NEB: variants seen among roughly 807,000 people sequenced by gnomAD.
NEB encodes nebulin.
NEB carries 512 observed loss-of-function variants against 952.2 expected under a neutral mutation model. That is an observed-to-expected ratio of 0.54 (90% CI 0.50 to 0.58). The LOEUF is 0.58. Ranked by LOEUF, NEB falls within the 20% of genes least tolerant of loss-of-function variation. The pLI is 0.00. For synonymous variants in NEB, 2,900 were observed against 3,149.8 expected, an observed-to-expected ratio of 0.92 and a Z score of 2.66; for missense variants, 8,428 against 9,231.1, an observed-to-expected ratio of 0.91 and a Z score of 3.56.
rs574454612 is a variant in NEB at position 151,662,884 on chromosome 2, T to C, written c.5764-543A>G. ...GACATTTCTCTCTACACCTGTGCCA[T>C]GGCTGCTTTCATTCAGGCACTTACT... On this transcript the variant is annotated intron_variant, in intron 45 of 181. Coordinates refer to ENST00000397345, the MANE Select transcript of NEB (RefSeq NM_001164508.2). 1.3e-3 allele frequency among the ~76,000 whole-genome samples: 194 copies of C among 152,328 alleles called. 1 individual carries two copies. Among genetic ancestry groups the C allele is most frequent in the Middle Eastern group, 6.8e-3 (2 of 294 alleles).
At chr2:151,629,122 G>A (rs1463983621) in intron 68 of NEB, among the ~76,000 whole-genome samples, 1 of 152,090 alleles carries the variant, frequency 6.6e-6, no homozygotes, top group East Asian at 1.9e-4. Context: ...GGGAAAGGTG[G>A]ATTTTCCTAG....
chr2:151,655,311 C>A lies in NEB; in HGVS notation c.6766G>T (p.Asp2256Tyr). ...TGATTCTGCTTGGCTTGTAAAATAT[C>A]TGGTGTATCAGGCATCACATGAATC... ...TKIHVMPDTPDILQAKQNQTL... is the reference protein window; with the variant it reads ...TKIHVMPDTPYILQAKQNQTL... The change falls in exon 51 of 182, where the codon GAT becomes TAT. Residue 2256 changes from aspartate (D) to tyrosine (Y), a missense_variant. Physicochemically the swap from Asp to Tyr is radical, Grantham distance 160. Transcript: ENST00000397345. The A allele has an allele frequency of 6.2e-7, 1 of 1,600,466 alleles. No individual in the cohort carries two copies. Among genetic ancestry groups the A allele is most frequent in the South Asian group, 1.1e-5 (1 of 89,946 alleles).
rs780432098 is a variant in NEB, at chr2:151,612,338, T to C, written c.11653A>G (p.Ile3885Val). ...EWLRGIGWVP[I>V]GSVEVEKVKR... ...ACTTTCTCGACCTCTACAGAGCCAA[T>C]GGGAACCCATCCTATGCCTCTCAGC... Residue 3885 changes from isoleucine to valine, a missense_variant, in exon 78 of 182, where the codon ATT (isoleucine) becomes GTT (valine). Coordinates refer to ENST00000397345, the MANE Select transcript of NEB (RefSeq NM_001164508.2). 4 of 1,613,840 alleles carry C rather than the reference T, an allele frequency of 2.5e-6. No individual in the cohort carries two copies. Among genetic ancestry groups the C allele is most frequent in the South Asian group, 1.1e-5 (1 of 91,076 alleles).
At chr2:151,702,389 G>A in intron 13 of NEB, among the ~76,000 whole-genome samples, 1 of 152,168 alleles carries the variant, frequency 6.6e-6, no homozygotes, top group Non-Finnish European at 1.5e-5. Flanking sequence ...GGTCCGCTTG[G>A]TGCAGAGCTG....
chr2:151,674,388 T>A, intron 36 of NEB, 89 bp downstream of exon 36: 1 of 1,002,152 alleles, frequency 1.0e-6, no homozygotes, highest in Non-Finnish European at 1.6e-6. Context: ...ATTTAACATA[T>A]TTCTTTCAAT....
At chr2:151,647,792 C>T (rs1281824322) in intron 54 of NEB, among the ~76,000 whole-genome samples, 1 of 152,156 alleles carries the variant, frequency 6.6e-6, no homozygotes, top group South Asian at 2.1e-4. Flanking sequence ...AAAGACATAG[C>T]AAGTAATGCA....
Position 151,516,485 on chromosome 2 carries a change from T to C in NEB, c.22879A>G (p.Lys7627Glu), listed in dbSNP as rs1242627575. The C allele has an allele frequency of 6.2e-7, 1 of 1,613,062 alleles. No homozygotes were observed. The highest frequency in any genetic ancestry group is 8.5e-7 in the Non-Finnish European group (1 of 1,179,264). ...DFETPTYITA[K>E]ESQQMQSGKE... ...CCACTCTGCATCTGCTGAGACTCTT[T>C]GGCAGTGATGTACGTTGGTGTTTCA... Residue 7627 changes from lysine (K) to glutamate (E), a missense_variant, in exon 157 of 182, where the codon AAA (lysine) becomes GAA (glutamate). This residue lies in a region of NEB where 3,374 missense variants were observed against 3,651.5 expected (regional missense o/e 0.92). Coordinates refer to ENST00000397345, the MANE Select transcript of NEB (RefSeq NM_001164508.2).
At chr2:151,502,717 A>C (rs1284997318) in intron 167 of NEB, 76 bp downstream of exon 167, 36 of 806,268 alleles carry the variant, frequency 4.5e-5, no homozygotes, top group Non-Finnish European at 7.2e-5. Context: ...TGAATTTAGT[A>C]ATTTTACATT....
intron 13 of NEB, among the ~76,000 whole-genome samples, chr2:151,702,716 C>T (rs1410537687): frequency 1.3e-5 from 2 of 151,984 alleles, no homozygotes; most frequent in Non-Finnish European, 2.9e-5. Context: ...TTTCCATTTG[C>T]TTGGTAGATC....
At chr2:151,537,288 A>G (rs993139011) in intron 140 of NEB, 52 bp from the exon 141 acceptor site, 30 of 1,030,016 alleles carry the variant, frequency 2.9e-5, no homozygotes, top group Admixed American at 2.4e-4. Context: ...CCAAACAGCA[A>G]TAAGTTAGTA....
chr2:151,518,087 T>G (rs1246729737), intron 156 of NEB, among the ~76,000 whole-genome samples: 1 of 152,194 alleles, frequency 6.6e-6, no homozygotes, highest in South Asian at 2.1e-4. Flanking sequence ...ACACACTCTT[T>G]ATGCTTCCAG....
At position 151,650,693 on chromosome 2, in the gene NEB, T is replaced by C. The variant is rs2099020613; in HGVS notation, c.7108A>G (p.Lys2370Glu). The C allele has an allele frequency of 1.2e-6, 2 of 1,613,972 alleles. No homozygotes were observed. The highest frequency in any genetic ancestry group is 1.7e-6 in the Non-Finnish European group (2 of 1,179,866). ...PVDMLGVVLA[K>E]KCQELVSDVD... ...TCACTAACCAACTCCTGACACTTCT[T>C]GGCCAGTACCACTCCCAACATGTCC... Residue 2370 changes from lysine to glutamate, a missense_variant, in exon 53 of 182, where the codon AAG becomes GAG. Lys to Glu is a moderately conservative substitution (Grantham distance 56, BLOSUM62 1). Around this residue, in one of 11 missense-constraint regions of NEB, gnomAD observed 1,772 missense variants for 1,960.3 expected, o/e 0.90. Coordinates refer to ENST00000397345, the MANE Select transcript of NEB (RefSeq NM_001164508.2).
At chr2:151,525,326 G>C in intron 150 of NEB, 53 bp from the exon 151 acceptor site, 1 of 1,327,534 alleles carries the variant, frequency 7.5e-7, no homozygotes, top group Non-Finnish European at 1.1e-6. Flanking sequence ...GAACAGAGTT[G>C]GTTTACTTGA....
In NEB at chr2:151,683,690, G is replaced by A. The variant is rs2099451584; in HGVS notation, c.2836-921C>T. On this transcript the variant is annotated intron_variant, in intron 28 of 181. Transcript: ENST00000397345. ...TACAAATAAAAAATAGAGCTACCAT[G>A]TGATCCAACTATTCAACTTCGGGTT... Among the ~76,000 whole-genome samples the A allele has an allele frequency of 3.3e-5, 5 of 152,274 alleles. No homozygotes were observed. The South Asian group carries it at 1.0e-3, about 32-fold the overall frequency.
At chr2:151,655,154 G>A (rs2099074622) in intron 51 of NEB, 116 bp downstream of exon 51, 2 of 610,062 alleles carry the variant, frequency 3.3e-6, no homozygotes, top group East Asian at 6.1e-5. Context: ...GCTAATCAGT[G>A]TGTCATTTCC....
chr2:151,697,532 A>G lies in NEB; in HGVS notation c.1257+12T>C. 6.2e-7 allele frequency: 1 copy of G among 1,609,872 alleles called. No homozygotes were observed. The highest frequency in any genetic ancestry group is 8.5e-7 in the Non-Finnish European group (1 of 1,177,284). ...TTTTTTTAACAGAAAGAGTGACAGT[A>G]GGATTGCTTACATCACTACTGAAGT... is the stretch of plus-strand genomic sequence containing the variant. On this transcript the variant is annotated intron_variant, in intron 14 of 181. Coordinates refer to ENST00000397345, the MANE Select transcript of NEB (RefSeq NM_001164508.2).
intron 30 of NEB, among the ~76,000 whole-genome samples, 155 bp downstream of exon 30, chr2:151,680,575 T>A (rs1409065962): frequency 2.6e-5 from 4 of 152,338 alleles, no homozygotes; most frequent in Middle Eastern, 3.4e-3. Context: ...GAATTAGGCA[T>A]GCTTTATTAA....
chr2:151,723,476 G>A lies in NEB; in HGVS notation c.623C>T (p.Thr208Ile), dbSNP rs1236164056. Residue 208 changes from threonine to isoleucine, a missense_variant, in exon 9 of 182, where the codon ACT (threonine) becomes ATT (isoleucine). Around this residue, in one of 11 missense-constraint regions of NEB, gnomAD observed 2,851 missense variants for 2,791.5 expected, o/e 1.02. Coordinates refer to ENST00000397345, the MANE Select transcript of NEB (RefSeq NM_001164508.2). ...ACTTTTGTCTGCTTCCCAGTCTTCA[G>A]TGTACAGTTTCTAAATCAAAAAAGA... is the stretch of plus-strand genomic sequence containing the variant. ...NTAMFSKKLY[T>I]EDWEADKSLF... 1 of 1,604,456 alleles carries A rather than the reference G, an allele frequency of 6.2e-7. No individual in the cohort carries two copies. Among genetic ancestry groups the A allele is most frequent in the Non-Finnish European group, 8.5e-7 (1 of 1,174,790 alleles).
intron 160 of NEB, 147 bp from the exon 161 acceptor site, chr2:151,512,984 C>A (rs1446946787): frequency 1.5e-6 from 1 of 646,976 alleles, no homozygotes; most frequent in South Asian, 1.9e-5. Flanking sequence ...CTATTTTGTT[C>A]ATAGTTTTAT....
Sources: gnomAD v4.1 joint callset for allele counts (sites outside exome capture counted in the v4.1 genomes callset) on GRCh38, gnomAD v4.1.1 for gene constraint, gnomAD v4.1.1 regional missense constraint, MANE v1.5 for transcripts, NCBI Gene and HGNC (gene_info 2026-07-23, HGNC 2026-07-21) for gene names.